RNGTT: variants seen among roughly 807,000 people sequenced by gnomAD.
RNGTT encodes mRNA-capping enzyme.
In RNGTT, 33 loss-of-function variants were observed where a neutral mutation model predicts 79.3. The ratio of observed to expected loss-of-function variants is 0.42; its 90% CI spans 0.32 to 0.56. The LOEUF is 0.56. Among genes scored for constraint, RNGTT ranks in the 20% least tolerant of loss-of-function variants. RNGTT has a pLI of 0.17. For synonymous variants in RNGTT, 222 were observed against 235.9 expected, an observed-to-expected ratio of 0.94 and a Z score of 0.54; for missense variants, 497 against 739.1, an observed-to-expected ratio of 0.67 and a Z score of 3.80.
At chr6:88,804,075 TTAACA>T (rs1262841218) in intron 11 of RNGTT, among the ~76,000 whole-genome samples, 2 of 152,190 alleles carry the variant, frequency 1.3e-5, no homozygotes, top group African/African-American at 4.8e-5. Context: ...TGCTTGGTAC[TTAACA>T]TATCATTCAA....
At chr6:88,658,377 C>T (rs1288160054) in intron 14 of RNGTT, among the ~76,000 whole-genome samples, 2 of 152,220 alleles carry the variant, frequency 1.3e-5, no homozygotes, top group Non-Finnish European at 1.5e-5. Flanking sequence ...GGGGCAGGTG[C>T]TGGTATCCAC....
intron 11 of RNGTT, among the ~76,000 whole-genome samples, chr6:88,843,548 CTTTTTTTTTTTTTT>C (rs11312733): frequency 1.3e-3 from 84 of 66,644 alleles, no homozygotes; most frequent in Non-Finnish European, 2.0e-3. Context: ...TAGTATGATT[CTTTTTTTTTTTTTT>C]TTTTTTTTTT....
intron 13 of RNGTT, among the ~76,000 whole-genome samples, chr6:88,768,568 T>G (rs879381182): frequency 6.6e-6 from 1 of 152,234 alleles, no homozygotes; most frequent in African/African-American, 2.4e-5. Context: ...GGACTCCATA[T>G]ATCCCCTGTT....
intron 14 of RNGTT, among the ~76,000 whole-genome samples, chr6:88,641,989 C>G (rs1287555906): frequency 6.6e-6 from 1 of 151,698 alleles, no homozygotes; most frequent in Non-Finnish European, 1.5e-5. Context: ...GTTAATAGTG[C>G]CTTAAGGAAC....
intron 2 of RNGTT, among the ~76,000 whole-genome samples, chr6:88,932,614 C>G (rs1030697482): frequency 2.0e-5 from 3 of 152,026 alleles, no homozygotes; most frequent in African/African-American, 7.3e-5. Context: ...TCAGACCGGC[C>G]GACATTTAGG....
intron 14 of RNGTT, among the ~76,000 whole-genome samples, chr6:88,666,636 G>A (rs2610716): frequency 0.12 from 17,590 of 152,124 alleles, 3,420 homozygotes; most frequent in African/African-American, 0.4. Context: ...TAGAGGTGTT[G>A]GACTAAGTTT....
chr6:88,832,479 C>A lies in RNGTT; in HGVS notation c.1269+11878G>T, dbSNP rs962398117. ...AACATAAGACCTAAACCCATAAAAA[C>A]CCTGTAAGAAAACCTAGGCAATACC... is the stretch of plus-strand genomic sequence containing the variant. On this transcript the variant is annotated intron_variant, in intron 11 of 15. Transcript: ENST00000369485. Among the ~76,000 whole-genome samples, 11 of 152,116 alleles carry A rather than the reference C, an allele frequency of 7.2e-5. No homozygotes were observed. In the South Asian group the frequency reaches 2.3e-3, roughly 32 times the overall value.
In RNGTT at chr6:88,610,370, C is replaced by T. The variant is rs561485876; in HGVS notation, c.*2349G>A. Reference sequence around the variant, plus strand: ...AGCATTTCACGGAAAGCAAATGTAACCATCCACGCAGTAGAGTCATCCACA... The same window carrying T: ...AGCATTTCACGGAAAGCAAATGTAATCATCCACGCAGTAGAGTCATCCACA... On this transcript the variant is annotated 3_prime_UTR_variant, in exon 16 of 16. Coordinates refer to ENST00000369485, the MANE Select transcript of RNGTT (RefSeq NM_003800.5). 55 of 152,748 alleles carry T rather than the reference C, an allele frequency of 3.6e-4. No homozygotes were observed. The highest frequency in any genetic ancestry group is 1.3e-3 in the African/African-American group (54 of 41,560). The allele number at this position is 152,748 out of a possible 1,614,324, so 9.5% of individuals were successfully genotyped here. A position where few individuals can be genotyped will look rare whatever the true frequency, so the allele number is the denominator to read the frequency against.
chr6:88,617,643 C>G (rs1328661863), intron 14 of RNGTT, among the ~76,000 whole-genome samples: 1 of 152,128 alleles, frequency 6.6e-6, no homozygotes, highest in Non-Finnish European at 1.5e-5. Context: ...TTTGTTCTTT[C>G]TCAAGATTGT....
At chr6:88,671,188 T>C (rs951558736) in intron 14 of RNGTT, among the ~76,000 whole-genome samples, 1 of 152,122 alleles carries the variant, frequency 6.6e-6, no homozygotes, top group Admixed American at 6.5e-5. Flanking sequence ...ATGATATGAT[T>C]GTATACCTAG....
chr6:88,958,850 T>A (rs1785518455), intron 1 of RNGTT, among the ~76,000 whole-genome samples: 1 of 152,206 alleles, frequency 6.6e-6, no homozygotes, highest in South Asian at 2.1e-4. Context: ...GCAATCCCAC[T>A]ACTGGGTATC....
chr6:88,932,103 G>A (rs1784530278), intron 2 of RNGTT, among the ~76,000 whole-genome samples: 1 of 152,078 alleles, frequency 6.6e-6, no homozygotes, highest in Non-Finnish European at 1.5e-5. Flanking sequence ...CCCCAGTAAG[G>A]AATATTAATA....
At chr6:88,946,641 TCC>T (rs1562071918) in intron 1 of RNGTT, among the ~76,000 whole-genome samples, 52 of 151,556 alleles carry the variant, frequency 3.4e-4, no homozygotes, top group African/African-American at 1.2e-3. Flanking sequence ...CCTCTCCCTC[TCC>T]CTCTCCCTCT....
intron 14 of RNGTT, among the ~76,000 whole-genome samples, chr6:88,661,230 C>A (rs766306135): frequency 3.4e-4 from 51 of 152,018 alleles, no homozygotes; most frequent in Non-Finnish European, 6.2e-4. Flanking sequence ...AGAGCACAAA[C>A]AGACAATCTA....
intron 13 of RNGTT, among the ~76,000 whole-genome samples, chr6:88,742,704 C>A (rs1033570206): frequency 6.6e-6 from 1 of 152,072 alleles, no homozygotes; most frequent in African/African-American, 2.4e-5. Flanking sequence ...AAATGAATTC[C>A]AATATTAGAT....
chr6:88,803,347 G>A (rs919789934), intron 11 of RNGTT, among the ~76,000 whole-genome samples: 5 of 151,808 alleles, frequency 3.3e-5, no homozygotes, highest in South Asian at 2.1e-4. Flanking sequence ...AGGCTGAGGC[G>A]GGCAGATCAT....
At chr6:88,910,254 T>A (rs1297318168) in intron 4 of RNGTT, among the ~76,000 whole-genome samples, 1 of 152,060 alleles carries the variant, frequency 6.6e-6, no homozygotes, top group Non-Finnish European at 1.5e-5. Flanking sequence ...AATCCAAGAT[T>A]TGGAATATAA....
At chr6:88,732,296 C>A (rs1777142655) in intron 13 of RNGTT, among the ~76,000 whole-genome samples, 1 of 152,122 alleles carries the variant, frequency 6.6e-6, no homozygotes, top group African/African-American at 2.4e-5. Context: ...AAATCACTAC[C>A]ATTATGGAAA....
At chr6:88,758,736 T>C (rs1778104379) in intron 13 of RNGTT, among the ~76,000 whole-genome samples, 1 of 152,226 alleles carries the variant, frequency 6.6e-6, no homozygotes. Flanking sequence ...TTCTCAACTC[T>C]CTAGTCTATT....
Sources: gnomAD v4.1 joint callset for allele counts (sites outside exome capture counted in the v4.1 genomes callset) on GRCh38, gnomAD v4.1.1 for gene constraint, MANE v1.5 for transcripts, NCBI Gene and HGNC (gene_info 2026-07-23, HGNC 2026-07-21) for gene names.